Variants in JAZF1 observed in about 807,000 individuals in gnomAD.
JAZF1 encodes juxtaposed with another zinc finger protein 1.
A neutral mutation model predicts 26.4 loss-of-function variants in JAZF1; 8 were observed. The observed-to-expected ratio is 0.30, with a 90% CI of 0.18 to 0.55. The LOEUF (loss-of-function observed/expected upper bound fraction) is 0.55. JAZF1 is among the 20% of genes least tolerant of loss of function. The probability of loss-of-function intolerance (pLI) is 0.94; values close to 1 mark genes in which losing one functional copy is unlikely to be tolerated. For missense variants in JAZF1, 199 were observed against 322.0 expected (o/e 0.62, Z 2.92); for synonymous variants, 126 against 122.3 (o/e 1.03, Z -0.20).
chr7:27,851,369 G>T (rs1038453577), intron 3 of JAZF1, among the ~76,000 whole-genome samples: 1 of 152,158 alleles, frequency 6.6e-6, no homozygotes, highest in East Asian at 1.9e-4. Flanking sequence ...ACACATCAAG[G>T]CTGGGCATGG....
chr7:28,174,821 G>GGTGTGTGGGT lies in JAZF1; in HGVS notation c.115+5641_115+5642insACCCACACAC, dbSNP rs1554293531. 1.9e-5 allele frequency among the ~76,000 whole-genome samples: 2 copies of GGTGTGTGGGT among 107,690 alleles called. 1 individual carries two copies. The highest frequency in any genetic ancestry group is 2.1e-4 in the Admixed American group (2 of 9,676). 70.6% of individuals were successfully genotyped at this position (107,690 alleles called of 152,430 possible). A position where few individuals can be genotyped will look rare whatever the true frequency, so the allele number is the denominator to read the frequency against. On this transcript the variant is annotated intron_variant, in intron 1 of 4. Coordinates refer to ENST00000283928, the MANE Select transcript of JAZF1 (RefSeq NM_175061.4). ...CCTGATCCTGCCTATGGGGTGTGTG[G>GGTGTGTGGGT]GTGTGTGTGTGTGTGTGTGTGTGTG...
At position 27,832,416 on chromosome 7, in the gene JAZF1, A is replaced by G. The variant is rs547944536; in HGVS notation, c.*384T>C. 41 of 230,948 alleles carry G rather than the reference A, an allele frequency of 1.8e-4. No individual in the cohort carries two copies. The highest frequency in any genetic ancestry group is 1.1e-3 in the East Asian group (17 of 16,050). 14.3% of individuals were successfully genotyped at this position (230,948 alleles called of 1,614,324 possible). On this transcript the variant is annotated 3_prime_UTR_variant, in exon 5 of 5. Coordinates refer to ENST00000283928, the MANE Select transcript of JAZF1 (RefSeq NM_175061.4). ...GTGAGTTGATGTGTTGAAAACTTCA[A>G]TCACATTACAATCTTGAAAAAAAAA...
In JAZF1 at chr7:28,173,466, C is replaced by T. The variant is rs111875573; in HGVS notation, c.115+6997G>A. 3.7e-3 allele frequency among the ~76,000 whole-genome samples: 559 copies of T among 152,214 alleles called. 1 individual carries two copies. Among genetic ancestry groups the T allele is most frequent in the Middle Eastern group, 0.01 (3 of 294 alleles). ...ACATATATGTGGTATGTGTATTAGA[C>T]ATATACATGTATTATTTATATATGT... On this transcript the variant is annotated intron_variant, in intron 1 of 4. Coordinates refer to ENST00000283928, the MANE Select transcript of JAZF1 (RefSeq NM_175061.4).
At chr7:28,101,657 T>C (rs973400444) in intron 1 of JAZF1, among the ~76,000 whole-genome samples, 3 of 149,192 alleles carry the variant, frequency 2.0e-5, no homozygotes, top group African/African-American at 2.5e-5. Context: ...GGAGGGAGGA[T>C]TGCTTGAGCC....
intron 2 of JAZF1, among the ~76,000 whole-genome samples, chr7:27,972,340 A>C (rs968177329): frequency 3.9e-5 from 6 of 152,222 alleles, no homozygotes; most frequent in African/African-American, 1.2e-4. Context: ...AGAGCATCCC[A>C]GTAGAGGGCC....
chr7:28,023,163 C>T (rs906915366), intron 1 of JAZF1, among the ~76,000 whole-genome samples: 1 of 152,186 alleles, frequency 6.6e-6, no homozygotes, highest in Non-Finnish European at 1.5e-5. Context: ...CCTAGAATGG[C>T]CTTGCAAGGA....
chr7:28,050,685 G>A (rs963817402), intron 1 of JAZF1, among the ~76,000 whole-genome samples: 2 of 151,954 alleles, frequency 1.3e-5, no homozygotes, highest in African/African-American at 4.8e-5. Context: ...GTGTCACTAA[G>A]TACTTCAAAA....
chr7:28,072,121 T>A (rs1050065966), intron 1 of JAZF1, among the ~76,000 whole-genome samples: 1 of 152,230 alleles, frequency 6.6e-6, no homozygotes, highest in Non-Finnish European at 1.5e-5. Context: ...TTGCATAAAT[T>A]GGATCTCATT....
chr7:27,869,941 C>T (rs1456003881), intron 3 of JAZF1, among the ~76,000 whole-genome samples: 1 of 152,184 alleles, frequency 6.6e-6, no homozygotes, highest in Non-Finnish European at 1.5e-5. Flanking sequence ...CGCTCTGTTG[C>T]TCTGTCGCCC....
chr7:27,997,105 G>C (rs1222475871), intron 1 of JAZF1, among the ~76,000 whole-genome samples: 3 of 152,180 alleles, frequency 2.0e-5, no homozygotes, highest in Non-Finnish European at 1.5e-5. Flanking sequence ...CAAAGACCTA[G>C]AGTAGATACA....
chr7:27,842,914 G>C (rs1051324368), intron 3 of JAZF1: 5 of 152,234 alleles, frequency 3.3e-5, no homozygotes, highest in African/African-American at 1.2e-4. Flanking sequence ...GGGCACCTCA[G>C]ACCAACTGGG....
intron 2 of JAZF1, among the ~76,000 whole-genome samples, chr7:27,900,639 G>A (rs777507543): frequency 1.3e-5 from 2 of 152,068 alleles, no homozygotes; most frequent in African/African-American, 2.4e-5. Context: ...CATTTGAACC[G>A]GGCTTCTTGC....
rs545974621 is a variant in JAZF1 at position 27,841,055 on chromosome 7, C to T, written c.386-188G>A. ...TACAACCCTGGAAGCAGGAGCCCTG[C>T]GTTCCCACCTAAGAGACCAGGGCAA... On this transcript the variant is annotated intron_variant, in intron 3 of 4. Transcript: ENST00000283928. 1,032 of 576,732 alleles carry T rather than the reference C, an allele frequency of 1.8e-3. 25 individuals carry two copies. The South Asian group carries it at 0.022, about 12-fold the overall frequency. The allele number at this position is 576,732 out of a possible 1,614,324, so 35.7% of individuals were successfully genotyped here.
rs1783359079 is a variant in JAZF1 at position 27,860,415 on chromosome 7, A to G, written c.386-19548T>C. On this transcript the variant is annotated intron_variant, in intron 3 of 4. Transcript: ENST00000283928. ...ATGATGACACTGAGCCATGGGATGA[A>G]CCAAGCTCACATCTTTATCTTCCTT... 2.0e-5 allele frequency among the ~76,000 whole-genome samples: 3 copies of G among 152,176 alleles called. 1 individual carries two copies. The South Asian group carries it at 6.2e-4, about 32-fold the overall frequency.
rs191936545 is a variant in JAZF1 at position 28,019,239 on chromosome 7, C to T, written c.116-27258G>A. ...CCATGGGCCAGGACACTGGAACCGG[C>T]GCTGACAAGCCACACTGTACCTCCT... On this transcript the variant is annotated intron_variant, in intron 1 of 4. Coordinates refer to ENST00000283928, the MANE Select transcript of JAZF1 (RefSeq NM_175061.4). 4.8e-3 allele frequency among the ~76,000 whole-genome samples: 727 copies of T among 152,262 alleles called. 1 individual carries two copies. Among genetic ancestry groups the T allele is most frequent in the Non-Finnish European group, 8.7e-3 (590 of 68,014 alleles).
chr7:27,857,668 A>G (rs931571912), intron 3 of JAZF1, among the ~76,000 whole-genome samples: 1 of 152,274 alleles, frequency 6.6e-6, no homozygotes, highest in Admixed American at 6.5e-5. Flanking sequence ...TAGATGCAGA[A>G]AAGGACTTTG....
rs1268970417 is a variant in JAZF1 at position 27,895,390 on chromosome 7, T to C, written c.215A>G (p.Glu72Gly). 6.2e-7 allele frequency: 1 copy of C among 1,604,154 alleles called. No homozygotes were observed. Residue 72 changes from glutamate (E) to glycine (G), a missense_variant, in exon 3 of 5, where the codon GAG (glutamate) becomes GGG (glycine). Around this residue, in one of 2 missense-constraint regions of JAZF1, gnomAD observed 137 missense variants for 184.8 expected, o/e 0.74. Coordinates refer to ENST00000283928, the MANE Select transcript of JAZF1 (RefSeq NM_175061.4). ...NRFMTDAARR[E>G]QESLKKKIQP... ...AATCTTCTTCTTTAGGGACTCCTGC[T>C]CTCGGCGGGCAGCATCTGTCATGAA...
intron 2 of JAZF1, among the ~76,000 whole-genome samples, chr7:27,915,702 A>T (rs931698253): frequency 1.3e-5 from 2 of 152,134 alleles, no homozygotes; most frequent in Non-Finnish European, 2.9e-5. Flanking sequence ...ACAAATCATA[A>T]CTCATTTCTT....
intron 1 of JAZF1, among the ~76,000 whole-genome samples, chr7:28,021,554 A>G (rs561378077): frequency 6.6e-6 from 1 of 152,264 alleles, no homozygotes; most frequent in Admixed American, 6.5e-5. Flanking sequence ...GACGGGCAGG[A>G]AAGGCCGCCA....
Sources: allele counts gnomAD v4.1 joint callset (sites outside exome capture counted in the v4.1 genomes callset), GRCh38; gene constraint gnomAD v4.1.1; regional missense constraint gnomAD v4.1.1; transcripts MANE v1.5; gene names NCBI Gene and HGNC (gene_info 2026-07-23, HGNC 2026-07-21).